The following ATG7 variants were observed in gnomAD, a reference collection of about 807,000 sequenced individuals.
The protein encoded by ATG7 is ubiquitin-like modifier-activating enzyme ATG7.
Under a neutral mutation model 82.4 loss-of-function variants are expected in ATG7, and 70 were observed. The observed-to-expected ratio is 0.85, with a 90% CI of 0.70 to 1.04. The LOEUF (loss-of-function observed/expected upper bound fraction) is 1.04, where lower values mean the gene tolerates loss of function less well. Among genes scored for constraint, ATG7 ranks in the 50% least tolerant of loss-of-function variants. The pLI, the probability that ATG7 is intolerant of heterozygous loss-of-function variation, is 0.00. For synonymous variants in ATG7, 287 were observed against 313.0 expected, an observed-to-expected ratio of 0.92 and a Z score of 0.88; for missense variants, 792 against 864.3, an observed-to-expected ratio of 0.92 and a Z score of 1.05.
rs568642621 is a variant in ATG7, at chr3:11,541,122, G to A, written c.2080-13689G>A. On this transcript the variant is annotated intron_variant, in intron 20 of 20. Transcript: ENST00000693202. ...TCACCATGTTAGCCAGGATGGTCTC[G>A]ATCTCCTGACTTCGTGATCCGCCCG... 3.7e-3 allele frequency among the ~76,000 whole-genome samples: 564 copies of A among 152,202 alleles called. 6 individuals are homozygous for A. Among genetic ancestry groups the A allele is most frequent in the African/African-American group, 0.012 (484 of 41,524 alleles).
At chr3:11,302,049 T>A (rs1414950946) in intron 5 of ATG7, among the ~76,000 whole-genome samples, 1 of 152,230 alleles carries the variant, frequency 6.6e-6, no homozygotes, top group African/African-American at 2.4e-5. Context: ...TTTTCACTCA[T>A]CATATTTTTT....
intron 8 of ATG7, 149 bp downstream of exon 8, chr3:11,313,569 T>C: frequency 1.9e-6 from 1 of 526,836 alleles, no homozygotes; most frequent in Non-Finnish European, 3.3e-6. Context: ...CAGACTTATT[T>C]AGAAAATGTT....
chr3:11,407,974 A>G (rs1011295638), intron 19 of ATG7, among the ~76,000 whole-genome samples: 7 of 152,220 alleles, frequency 4.6e-5, no homozygotes, highest in African/African-American at 1.7e-4. Context: ...CTAGTTACTT[A>G]AGCAAACTTC....
In ATG7 at chr3:11,553,777, G is replaced by A. The variant is rs71316493; in HGVS notation, c.2080-1034G>A. On this transcript the variant is annotated intron_variant, in intron 20 of 20. Coordinates refer to ENST00000693202, the MANE Select transcript of ATG7 (RefSeq NM_001349232.2). The stretch of plus-strand genomic sequence containing the variant: ...GCCTGGGAGCTGGGTCCTCAGGAGA[G>A]AGGAAATTTCCTTCTATTTATTTTC... 3.8e-3 allele frequency among the ~76,000 whole-genome samples: 582 copies of A among 152,298 alleles called. 2 individuals carry two copies. Among genetic ancestry groups the A allele is most frequent in the Non-Finnish European group, 5.6e-3 (383 of 68,020 alleles).
chr3:11,408,726 C>G (rs2080599478), intron 19 of ATG7, among the ~76,000 whole-genome samples: 1 of 152,020 alleles, frequency 6.6e-6, no homozygotes. Context: ...CTTGTGTGAC[C>G]CATTAACTAT....
chr3:11,356,143 G>A (rs774044978), intron 14 of ATG7, among the ~76,000 whole-genome samples: 62 of 152,124 alleles, frequency 4.1e-4, no homozygotes, highest in Non-Finnish European at 7.8e-4. Context: ...TTGTCATCTG[G>A]GGGCAAGTGG....
At chr3:11,384,723 G>T (rs1005187019) in intron 19 of ATG7, among the ~76,000 whole-genome samples, 1 of 152,182 alleles carries the variant, frequency 6.6e-6, no homozygotes, top group Non-Finnish European at 1.5e-5. Context: ...ACTTTGTGGG[G>T]GCTGAGGTGG....
At chr3:11,417,421 A>G (rs1048389451) in intron 19 of ATG7, among the ~76,000 whole-genome samples, 1 of 152,204 alleles carries the variant, frequency 6.6e-6, no homozygotes, top group Non-Finnish European at 1.5e-5. Flanking sequence ...TTATTATGTA[A>G]TGCCCTTCTT....
chr3:11,553,869 G>A (rs528689813), intron 20 of ATG7, among the ~76,000 whole-genome samples: 3 of 152,282 alleles, frequency 2.0e-5, no homozygotes, highest in Admixed American at 6.5e-5. Flanking sequence ...CCATCTCCCC[G>A]GGCCAGCCTC....
Position 11,333,199 on chromosome 3 carries a change from A to G in ATG7, c.889+106A>G, listed in dbSNP as rs146568633. The G allele has an allele frequency of 4.3e-6, 6 of 1,385,548 alleles. No homozygotes were observed. In the African/African-American group the frequency reaches 9.0e-5, roughly 21 times the overall value. The allele number at this position is 1,385,548 out of a possible 1,614,324, so 85.8% of individuals were successfully genotyped here. A position where few individuals can be genotyped will look rare whatever the true frequency, so the allele number is the denominator to read the frequency against. ...ACAATGGCAGAAGAAAGGAAGAGAA[A>G]AGTACAACTTGTACCTCTTTGCCAA... On this transcript the variant is annotated intron_variant, in intron 11 of 20. Transcript: ENST00000693202.
At chr3:11,322,227 CA>C (rs5846703) in intron 9 of ATG7, among the ~76,000 whole-genome samples, 132,335 of 152,270 alleles carry the variant, frequency 0.87, 57,802 homozygotes, top group East Asian at 1. Context: ...ATACACATAA[CA>C]AAACAAGACT....
intron 20 of ATG7, among the ~76,000 whole-genome samples, chr3:11,508,426 C>T (rs564505498): frequency 2.0e-5 from 3 of 151,760 alleles, no homozygotes; most frequent in African/African-American, 4.8e-5. Context: ...GGGCCACATG[C>T]GTTAGACAAG....
intron 20 of ATG7, among the ~76,000 whole-genome samples, chr3:11,444,092 C>T (rs1274842127): frequency 6.6e-6 from 1 of 152,100 alleles, no homozygotes; most frequent in African/African-American, 2.4e-5. Context: ...TATGTAGATT[C>T]TTTCGTGTCT....
intron 5 of ATG7, among the ~76,000 whole-genome samples, chr3:11,303,960 G>A (rs1206897786): frequency 1.4e-5 from 2 of 146,868 alleles, no homozygotes; most frequent in African/African-American, 5.0e-5. Flanking sequence ...GCGTGGTGGC[G>A]GGCGCCTGTA....
At chr3:11,361,544 A>C (rs1212276746) in intron 16 of ATG7, among the ~76,000 whole-genome samples, 1 of 152,130 alleles carries the variant, frequency 6.6e-6, no homozygotes, top group Non-Finnish European at 1.5e-5. Flanking sequence ...CAGTCTCCCA[A>C]AGTGCTGGGA....
intron 19 of ATG7, among the ~76,000 whole-genome samples, chr3:11,383,775 T>C (rs927559250): frequency 6.6e-6 from 1 of 152,204 alleles, no homozygotes; most frequent in Non-Finnish European, 1.5e-5. Context: ...ACTCACTTGC[T>C]GAAGTCTAGA....
At position 11,555,113 on chromosome 3, in the gene ATG7, G is replaced by A; in HGVS notation, c.*270G>A. 1 of 486,510 alleles carries A rather than the reference G, an allele frequency of 2.1e-6. No individual in the cohort carries two copies. Among genetic ancestry groups the A allele is most frequent in the Non-Finnish European group, 3.6e-6 (1 of 275,936 alleles). 30.1% of individuals were successfully genotyped at this position (486,510 alleles called of 1,614,324 possible). A position where few individuals can be genotyped will look rare whatever the true frequency, so the allele number is the denominator to read the frequency against. ...GTCCTCCATGCAGTTTTTATTTCTT[G>A]TCACAGTGACTGATAGCCATCCCCC... On this transcript the variant is annotated 3_prime_UTR_variant, in exon 21 of 21. Coordinates refer to ENST00000693202, the MANE Select transcript of ATG7 (RefSeq NM_001349232.2).
chr3:11,491,886 A>C (rs1336789602), intron 20 of ATG7, among the ~76,000 whole-genome samples: 2 of 152,034 alleles, frequency 1.3e-5, no homozygotes, highest in African/African-American at 4.8e-5. Flanking sequence ...AGGGACATTT[A>C]AGTTTGCAGA....
At chr3:11,286,398 C>T (rs914339734) in intron 3 of ATG7, among the ~76,000 whole-genome samples, 1 of 152,080 alleles carries the variant, frequency 6.6e-6, no homozygotes, top group African/African-American at 2.4e-5. Context: ...TATGGCATAT[C>T]GTCGTATGTT....
Sources: allele counts gnomAD v4.1 joint callset (sites outside exome capture counted in the v4.1 genomes callset), GRCh38; gene constraint gnomAD v4.1.1; transcripts MANE v1.5; gene names NCBI Gene and HGNC (gene_info 2026-07-23, HGNC 2026-07-21).